NTNG1: variants seen among roughly 807,000 people sequenced by gnomAD.
The protein encoded by NTNG1 is netrin-G1.
A neutral mutation model predicts 54.0 loss-of-function variants in NTNG1; 16 were observed. The observed-to-expected ratio is 0.30, with a 90% CI of 0.20 to 0.45. NTNG1 has a LOEUF of 0.45. Ranked by LOEUF, NTNG1 falls within the 20% of genes least tolerant of loss-of-function variation. The pLI is 1.00. For synonymous variants in NTNG1, 255 were observed against 263.1 expected (o/e 0.97, Z 0.30); for missense variants, 530 against 678.7 (o/e 0.78, Z 2.43).
At chr1:107,329,539 G>A (rs1258566772) in intron 3 of NTNG1, among the ~76,000 whole-genome samples, 1 of 152,038 alleles carries the variant, frequency 6.6e-6, no homozygotes. Flanking sequence ...TTAAATTTCT[G>A]GAAAAATCAG....
At chr1:107,280,902 T>TTTTATTTTA (rs1185684091) in intron 2 of NTNG1, among the ~76,000 whole-genome samples, 25 of 142,660 alleles carry the variant, frequency 1.8e-4, no homozygotes, top group African/African-American at 5.9e-4. Context: ...TTTTATTTTA[T>TTTTATTTTA]TTATTTTGGC....
intron 2 of NTNG1, among the ~76,000 whole-genome samples, chr1:107,196,815 C>A (rs898433583): frequency 5.9e-5 from 9 of 151,766 alleles, no homozygotes; most frequent in Non-Finnish European, 7.4e-5. Flanking sequence ...ATATTTTATT[C>A]TAATTATGGA....
chr1:107,426,626 G>A (rs1674926099), intron 5 of NTNG1, among the ~76,000 whole-genome samples: 2 of 151,940 alleles, frequency 1.3e-5, no homozygotes, highest in Non-Finnish European at 2.9e-5. Context: ...GGTTCCTTTT[G>A]CTTAGAAATG....
At chr1:107,317,064 A>T (rs960532704) in intron 2 of NTNG1, among the ~76,000 whole-genome samples, 3 of 152,172 alleles carry the variant, frequency 2.0e-5, no homozygotes, top group Non-Finnish European at 4.4e-5. Context: ...CAGTAAATGG[A>T]CTTCAAAGAG....
At chr1:107,264,259 T>C (rs977949172) in intron 2 of NTNG1, among the ~76,000 whole-genome samples, 4 of 152,150 alleles carry the variant, frequency 2.6e-5, no homozygotes, top group African/African-American at 9.7e-5. Flanking sequence ...GCCATTGCTC[T>C]TTAAGGTGAC....
intron 3 of NTNG1, among the ~76,000 whole-genome samples, chr1:107,359,625 C>T (rs1439157864): frequency 6.6e-6 from 1 of 152,110 alleles, no homozygotes; most frequent in African/African-American, 2.4e-5. Flanking sequence ...CCCCCACCCC[C>T]AACACATTTG....
intron 2 of NTNG1, among the ~76,000 whole-genome samples, chr1:107,208,041 G>A (rs534273894): frequency 7.2e-5 from 11 of 152,194 alleles, no homozygotes; most frequent in South Asian, 4.1e-4. Flanking sequence ...CATCATGATC[G>A]TGGAAACAGA....
At chr1:107,348,110 G>A (rs77555319) in intron 3 of NTNG1, among the ~76,000 whole-genome samples, 1 of 68,594 alleles carries the variant, frequency 1.5e-5, no homozygotes, top group African/African-American at 5.6e-5. Context: ...TTTTTTGTTT[G>A]CTTTTATTAT....
chr1:107,479,481 T>TA (rs2101614499), intron 7 of NTNG1, among the ~76,000 whole-genome samples: 1 of 94,298 alleles, frequency 1.1e-5, no homozygotes, highest in Non-Finnish European at 2.1e-5. Flanking sequence ...CACCATGACA[T>TA]TTTTAAAAAT....
intron 2 of NTNG1, among the ~76,000 whole-genome samples, chr1:107,204,450 A>G (rs1192983409): frequency 6.6e-6 from 1 of 152,114 alleles, no homozygotes; most frequent in Non-Finnish European, 1.5e-5. Flanking sequence ...GTGAATGACC[A>G]CATGGAAAGA....
Position 107,366,856 on chromosome 1 carries a change from A to G in NTNG1, c.888-28298A>G, listed in dbSNP as rs138135637. ...AGTTCATTTCGTTCACAAAAGCTGC[A>G]GACCTTTAAATTTCTGGTCATTTAA... On this transcript the variant is annotated intron_variant, in intron 3 of 7. Transcript: ENST00000370068. Among the ~76,000 whole-genome samples, 366 of 152,356 alleles carry G rather than the reference A, an allele frequency of 2.4e-3. 5 individuals are homozygous for G. The highest frequency in any genetic ancestry group is 8.1e-3 in the African/African-American group (335 of 41,590).
At chr1:107,389,495 G>C (rs890932147) in intron 3 of NTNG1, among the ~76,000 whole-genome samples, 1 of 152,178 alleles carries the variant, frequency 6.6e-6, no homozygotes, top group Non-Finnish European at 1.5e-5. Context: ...CTAAATGTTG[G>C]AGCATTTTTA....
At chr1:107,407,605 A>T (rs1673512641) in intron 4 of NTNG1, 77 bp from the exon 5 acceptor site, 21 of 1,226,244 alleles carry the variant, frequency 1.7e-5, no homozygotes, top group Non-Finnish European at 2.4e-5. Flanking sequence ...AGTTTCTAAG[A>T]TTTTTATATT....
chr1:107,165,063 CA>C (rs1436218025), intron 2 of NTNG1, among the ~76,000 whole-genome samples: 1 of 151,998 alleles, frequency 6.6e-6, no homozygotes, highest in African/African-American at 2.4e-5. Flanking sequence ...ACAGGTGACT[CA>C]GGATGATTCA....
intron 5 of NTNG1, chr1:107,421,267 TATC>T: frequency 1.5e-6 from 1 of 658,226 alleles, no homozygotes; most frequent in African/African-American, 1.8e-5. Context: ...TGTTGACTAA[TATC>T]AATCAATGCA....
rs112218918 is a variant in NTNG1, at chr1:107,460,594, T to C, written c.1391-20017T>C. Among the ~76,000 whole-genome samples, 265 of 152,354 alleles carry C rather than the reference T, an allele frequency of 1.7e-3. 1 individual carries two copies. The highest frequency in any genetic ancestry group is 5.9e-3 in the African/African-American group (246 of 41,584). ...AAAAAGGCAGCTCTATGTGAAATAA[T>C]AGCTGTAATTATTCGATAGCTTCTT... On this transcript the variant is annotated intron_variant, in intron 7 of 7. Coordinates refer to ENST00000370068, the MANE Select transcript of NTNG1 (RefSeq NM_001113226.3).
At chr1:107,460,432 C>T in intron 7 of NTNG1, 2 of 518,696 alleles carry the variant, frequency 3.9e-6, no homozygotes, top group South Asian at 2.8e-5. Context: ...TTTGGGAAAA[C>T]TTTGGCAATT....
intron 5 of NTNG1, chr1:107,418,535 T>G (rs759251266): frequency 2.2e-6 from 3 of 1,372,088 alleles, no homozygotes; most frequent in Non-Finnish European, 2.0e-6. Flanking sequence ...CCAAATGACA[T>G]TATAGCTGAA....
chr1:107,187,984 C>T (rs1657590909), intron 2 of NTNG1, among the ~76,000 whole-genome samples: 1 of 152,110 alleles, frequency 6.6e-6, no homozygotes, highest in Admixed American at 6.6e-5. Context: ...ATGTTTTATG[C>T]TGCATGATCA....
Sources: allele counts gnomAD v4.1 joint callset (sites outside exome capture counted in the v4.1 genomes callset), GRCh38; gene constraint gnomAD v4.1.1; transcripts MANE v1.5; gene names NCBI Gene and HGNC (gene_info 2026-07-23, HGNC 2026-07-21).